WFDC1: variants seen among roughly 807,000 people sequenced by gnomAD.
The protein encoded by WFDC1 is WAP four-disulfide core domain 1, also known as WAP four-disulfide core domain protein 1.
WFDC1 carries 39 observed loss-of-function variants against 32.9 expected under a neutral mutation model. That is an observed-to-expected ratio of 1.19 (90% CI 0.92 to 1.55). The LOEUF (loss-of-function observed/expected upper bound fraction) is 1.55, where lower values mean the gene tolerates loss of function less well. Ranked by LOEUF, WFDC1 falls within the 40% of genes most tolerant of loss-of-function variation. WFDC1 has a pLI of 0.00. For synonymous variants in WFDC1, 184 were observed against 137.4 expected (o/e 1.34, Z -2.37); for missense variants, 386 against 309.5 (o/e 1.25, Z -1.85).
At position 84,319,532 on chromosome 16, in the gene WFDC1, C is replaced by G. The variant is rs1295553338; in HGVS notation, c.523C>G (p.Pro175Ala). 1 of 1,613,112 alleles carries G rather than the reference C, an allele frequency of 6.2e-7. No individual in the cohort carries two copies. Among genetic ancestry groups the G allele is most frequent in the South Asian group, 1.1e-5 (1 of 91,084 alleles). Reference protein sequence around the residue: ...LSPGDVAEGIPNRGQCVKQRR... With the variant: ...LSPGDVAEGIANRGQCVKQRR... Reference sequence around the variant, plus strand: ...CCCAGGTGACGTGGCCGAAGGTATCCCCAACCGTGGGCAGTGCGTCAAGCA... The same window carrying G: ...CCCAGGTGACGTGGCCGAAGGTATCGCCAACCGTGGGCAGTGCGTCAAGCA... Residue 175 changes from proline (P) to alanine (A), a missense_variant, in exon 4 of 7, where the codon CCC (proline) becomes GCC (alanine). Pro to Ala is a conservative substitution (Grantham distance 27, BLOSUM62 -1). Transcript: ENST00000219454.
intron 1 of WFDC1, among the ~76,000 whole-genome samples, chr16:84,305,867 G>C (rs1255534946): frequency 6.6e-6 from 1 of 152,094 alleles, no homozygotes; most frequent in Non-Finnish European, 1.5e-5. Context: ...GCCAGGCGTG[G>C]TGGCGGGCAC....
rs755062171 is a variant in WFDC1 at position 84,318,301 on chromosome 16, C to T, written c.367C>T (p.Arg123Ter). 29 of 1,613,996 alleles carry T rather than the reference C, an allele frequency of 1.8e-5. No homozygotes were observed. Among genetic ancestry groups the T allele is most frequent in the Middle Eastern group, 3.3e-4 (2 of 6,080 alleles). The change falls in exon 3 of 7, where the codon CGA becomes TGA. Residue 123 changes from arginine (R) to a stop codon, truncating the protein, a stop_gained. Coordinates refer to ENST00000219454, the MANE Select transcript of WFDC1 (RefSeq NM_021197.4). LOFTEE classifies it high-confidence loss of function. ...VLDWLVQPKPRWLGGNGWLLD... is the reference protein window; with the variant it reads ...VLDWLVQPKP ...AGACTGGCTGGTGCAGCCGAAACCT[C>T]GATGGCTTGGTGGCAATGGCTGGCT...
At position 84,325,159 on chromosome 16, in the gene WFDC1, C is replaced by A. The variant is rs537278360; in HGVS notation, c.604+699C>A. Among the ~76,000 whole-genome samples the A allele has an allele frequency of 2.0e-5, 3 of 152,076 alleles. No individual in the cohort carries two copies. The South Asian group carries it at 6.2e-4, about 32-fold the overall frequency. ...TCATCCATTCATCTATCCATCCATCCATTCATACATACATCCTTTCACTTA... is the reference window on the plus strand; with the variant it reads ...TCATCCATTCATCTATCCATCCATCAATTCATACATACATCCTTTCACTTA... On this transcript the variant is annotated intron_variant, in intron 5 of 6. Transcript: ENST00000219454.
chr16:84,295,216 C>T, intron 1 of WFDC1, 101 bp downstream of exon 1: 3 of 1,492,786 alleles, frequency 2.0e-6, no homozygotes, highest in South Asian at 1.3e-5. Context: ...TAAGTGCTCC[C>T]CCAAAACGTG....
intron 1 of WFDC1, among the ~76,000 whole-genome samples, chr16:84,296,699 G>T (rs1252504301): frequency 6.6e-6 from 1 of 152,208 alleles, no homozygotes; most frequent in East Asian, 1.9e-4. Flanking sequence ...GTGACATGAT[G>T]AGGCGCTTGG....
chr16:84,314,422 G>A (rs34828024), intron 2 of WFDC1, among the ~76,000 whole-genome samples: 19,872 of 152,122 alleles, frequency 0.13, 1,361 homozygotes, highest in Non-Finnish European at 0.16. Context: ...GATAACAACA[G>A]CTGTTTGGAC....
chr16:84,301,861 G>A (rs1415080723), intron 1 of WFDC1, among the ~76,000 whole-genome samples: 4 of 152,190 alleles, frequency 2.6e-5, no homozygotes, highest in Non-Finnish European at 5.9e-5. Context: ...GAAATTCCAG[G>A]TGGAAATCAA....
chr16:84,299,190 G>A (rs1384922281), intron 1 of WFDC1, among the ~76,000 whole-genome samples: 4 of 151,762 alleles, frequency 2.6e-5, no homozygotes, highest in Non-Finnish European at 4.4e-5. Context: ...GAGAAACCCC[G>A]TCTGTACTAA....
chr16:84,318,671 C>G (rs1217511661), intron 3 of WFDC1: 6 of 278,658 alleles, frequency 2.2e-5, no homozygotes, highest in East Asian at 7.1e-5. Context: ...GTTCACCGCT[C>G]TCTAATGATG....
chr16:84,313,653 C>T (rs912521583), intron 2 of WFDC1, among the ~76,000 whole-genome samples: 2 of 152,212 alleles, frequency 1.3e-5, no homozygotes, highest in Non-Finnish European at 2.9e-5. Flanking sequence ...CCCATCAACC[C>T]ACCAGGCCCG....
chr16:84,308,633 A>G (rs58329254), intron 1 of WFDC1, among the ~76,000 whole-genome samples: 6,654 of 152,262 alleles, frequency 0.044, 428 homozygotes, highest in African/African-American at 0.15. Context: ...CTGAGTGTAG[A>G]TGCCCGCCTG....
chr16:84,308,430 T>C (rs1452676258), intron 1 of WFDC1, among the ~76,000 whole-genome samples: 1 of 152,090 alleles, frequency 6.6e-6, no homozygotes, highest in African/African-American at 2.4e-5. Context: ...GCTCTCAGTG[T>C]GGGGTGGCGA....
chr16:84,316,186 A>C (rs1427721701), intron 2 of WFDC1: 1 of 152,242 alleles, frequency 6.6e-6, no homozygotes, highest in African/African-American at 2.4e-5. Flanking sequence ...CCATCGCGTC[A>C]TTCCTGTTTT....
intron 2 of WFDC1, chr16:84,317,311 A>C (rs1362450688): frequency 1.5e-5 from 2 of 134,592 alleles, no homozygotes; most frequent in Non-Finnish European, 3.1e-5. Flanking sequence ...TAAATAAATA[A>C]ATAAATAAAT....
At chr16:84,312,418 C>G (rs1034146477) in intron 1 of WFDC1, among the ~76,000 whole-genome samples, 4 of 152,086 alleles carry the variant, frequency 2.6e-5, no homozygotes, top group Non-Finnish European at 4.4e-5. Flanking sequence ...GTGGTGTTCT[C>G]TTTTGATCTG....
intron 1 of WFDC1, among the ~76,000 whole-genome samples, chr16:84,300,455 T>C (rs1307125179): frequency 1.3e-5 from 2 of 152,234 alleles, no homozygotes; most frequent in Non-Finnish European, 2.9e-5. Context: ...TGGGGCTTCC[T>C]GGGATCCCCT....
In WFDC1 at chr16:84,307,851, G is replaced by A. The variant is rs146446248; in HGVS notation, c.145-5110G>A. On this transcript the variant is annotated intron_variant, in intron 1 of 6. Coordinates refer to ENST00000219454, the MANE Select transcript of WFDC1 (RefSeq NM_021197.4). ...AGCAAGTGAACTGAGAGCTAATGGCGTGGGATTATGCACCTGCTGCGGCTG... is the reference window on the plus strand; with the variant it reads ...AGCAAGTGAACTGAGAGCTAATGGCATGGGATTATGCACCTGCTGCGGCTG... 1.7e-4 allele frequency among the ~76,000 whole-genome samples: 26 copies of A among 152,298 alleles called. No individual in the cohort carries two copies. The East Asian group carries it at 1.9e-3, about 11-fold the overall frequency.
chr16:84,311,272 TCTCA>T (rs1907600870), intron 1 of WFDC1, among the ~76,000 whole-genome samples: 1 of 149,090 alleles, frequency 6.7e-6, no homozygotes, highest in African/African-American at 2.5e-5. Flanking sequence ...GGAGATGGAG[TCTCA>T]CTCTGTCACC....
intron 1 of WFDC1, among the ~76,000 whole-genome samples, chr16:84,302,585 A>T (rs1907007334): frequency 6.6e-6 from 1 of 152,066 alleles, no homozygotes; most frequent in Admixed American, 6.6e-5. Context: ...TGAATGCCCC[A>T]TTATGATTTC....
Sources: gnomAD v4.1 joint callset for allele counts (sites outside exome capture counted in the v4.1 genomes callset) on GRCh38, gnomAD v4.1.1 for gene constraint, MANE v1.5 for transcripts, NCBI Gene and HGNC (gene_info 2026-07-23, HGNC 2026-07-21) for gene names.